The following PRDM6 variants were observed in gnomAD, a reference collection of about 807,000 sequenced individuals.
PRDM6 encodes putative histone-lysine N-methyltransferase PRDM6.
A neutral mutation model predicts 60.8 loss-of-function variants in PRDM6; 25 were observed. The ratio of observed to expected loss-of-function variants is 0.41; its 90% CI spans 0.30 to 0.57. The LOEUF (loss-of-function observed/expected upper bound fraction) is 0.57. Among genes scored for constraint, PRDM6 ranks in the 20% least tolerant of loss-of-function variants. The pLI, the probability that PRDM6 is intolerant of heterozygous loss-of-function variation, is 0.27. For missense variants in PRDM6, 839 were observed against 821.3 expected (o/e 1.02, Z -0.26); for synonymous variants, 407 against 357.4 (o/e 1.14, Z -1.57).
chr5:123,090,472 G>T lies in PRDM6; in HGVS notation c.458G>T (p.Gly153Val), dbSNP rs1763805005. ...SGPGPVKCGGGGGGGGEGRGA... is the reference protein window; with the variant it reads ...SGPGPVKCGGVGGGGGEGRGA... ...CCCGGGCCCGTCAAGTGCGGTGGTG[G>T]TGGCGGCGGCGGCGGGGAGGGTCGC... Residue 153 changes from glycine (G) to valine (V), a missense_variant, in exon 2 of 8, where the codon GGT (glycine) becomes GTT (valine). Physicochemically the swap from Gly to Val is moderately radical, Grantham distance 109. Around this residue, in one of 2 missense-constraint regions of PRDM6, gnomAD observed 730 missense variants for 648.8 expected, o/e 1.13. Coordinates refer to ENST00000407847, the MANE Select transcript of PRDM6 (RefSeq NM_001136239.4). 6.7e-7 allele frequency: 1 copy of T among 1,484,456 alleles called. No homozygotes were observed. Among genetic ancestry groups the T allele is most frequent in the Admixed American group, 2.3e-5 (1 of 44,254 alleles). The allele number at this position is 1,484,456 out of a possible 1,614,324, so 92.0% of individuals were successfully genotyped here. A position where few individuals can be genotyped will look rare whatever the true frequency, so the allele number is the denominator to read the frequency against.
intron 3 of PRDM6, among the ~76,000 whole-genome samples, chr5:123,136,018 C>T (rs948940163): frequency 2.6e-5 from 4 of 152,134 alleles, no homozygotes; most frequent in Non-Finnish European, 5.9e-5. Flanking sequence ...TATTTGCAGA[C>T]GGTCTAAGAT....
intron 2 of PRDM6, among the ~76,000 whole-genome samples, chr5:123,092,534 G>T (rs1238615845): frequency 1.3e-5 from 2 of 152,098 alleles, no homozygotes; most frequent in Non-Finnish European, 2.9e-5. Flanking sequence ...TAATATATGG[G>T]TATTGAACCA....
intron 2 of PRDM6, among the ~76,000 whole-genome samples, chr5:123,095,405 C>G (rs771142786): frequency 6.6e-6 from 1 of 152,246 alleles, no homozygotes; most frequent in Non-Finnish European, 1.5e-5. Context: ...GTGGGGGGAC[C>G]GCAGGCTGGA....
intron 3 of PRDM6, among the ~76,000 whole-genome samples, chr5:123,102,813 G>A (rs927035916): frequency 2.6e-5 from 4 of 151,958 alleles, no homozygotes; most frequent in Admixed American, 1.3e-4. Context: ...TAAATGGATT[G>A]CTAATCTTTT....
intron 3 of PRDM6, among the ~76,000 whole-genome samples, chr5:123,132,961 A>G (rs1438842886): frequency 2.0e-5 from 3 of 152,098 alleles, no homozygotes; most frequent in Admixed American, 1.3e-4. Flanking sequence ...CTATTCTCTG[A>G]CAAAAAGTAT....
intron 3 of PRDM6, among the ~76,000 whole-genome samples, chr5:123,131,501 T>G (rs1195482317): frequency 6.6e-6 from 1 of 152,234 alleles, no homozygotes; most frequent in Non-Finnish European, 1.5e-5. Context: ...ATTATTAATG[T>G]TGACAGCATT....
chr5:123,159,122 CT>C (rs1765571410), intron 4 of PRDM6, among the ~76,000 whole-genome samples: 1 of 152,138 alleles, frequency 6.6e-6, no homozygotes, highest in South Asian at 2.1e-4. Flanking sequence ...ACATTTAATG[CT>C]TTTCCTTCAA....
chr5:123,131,621 T>C (rs426500), intron 3 of PRDM6, among the ~76,000 whole-genome samples: 109,630 of 152,050 alleles, frequency 0.72, 39,880 homozygotes, highest in African/African-American at 0.78. Context: ...TGTCAGAAAC[T>C]GAAGCCTCGA....
At chr5:123,134,133 G>C (rs1215110083) in intron 3 of PRDM6, among the ~76,000 whole-genome samples, 1 of 152,054 alleles carries the variant, frequency 6.6e-6, no homozygotes, top group African/African-American at 2.4e-5. Context: ...TAGCCAAGTT[G>C]TACTTCTTTT....
Position 123,099,775 on chromosome 5 carries a change from G to A in PRDM6, c.714G>A (p.Pro238=), listed in dbSNP as rs1391653508. ...AAAAAPPPEL[P]EWLRDLPREV... ...CCGCCGCGCCCCCGCCGGAGCTGCC[G>A]GAGTGGCTGCGGGACCTGCCTCGCG... Residue 238 remains proline (P), a synonymous_variant, in exon 3 of 8, where the codon CCG becomes CCA. Transcript: ENST00000407847. The surrounding 1 kb of genome is among the most constrained non-coding windows in gnomAD (Gnocchi z 4.0). 3 of 1,547,908 alleles carry A rather than the reference G, an allele frequency of 1.9e-6. No individual in the cohort carries two copies. Among genetic ancestry groups the A allele is most frequent in the Admixed American group, 2.0e-5 (1 of 50,870 alleles).
At chr5:123,161,663 G>A (rs1034457763) in intron 5 of PRDM6, among the ~76,000 whole-genome samples, 2 of 152,180 alleles carry the variant, frequency 1.3e-5, no homozygotes, top group South Asian at 2.1e-4. Flanking sequence ...GCATGGGTGC[G>A]GCTGAGTGAG....
Position 123,130,847 on chromosome 5 carries a change from G to A in PRDM6, c.901-25037G>A, listed in dbSNP as rs547196716. ...CTCCCAAAGTGCTGGGATTACAGGC[G>A]TGAGCCACCACGTCCAGCCTAGGAA... On this transcript the variant is annotated intron_variant, in intron 3 of 7. Coordinates refer to ENST00000407847, the MANE Select transcript of PRDM6 (RefSeq NM_001136239.4). Among the ~76,000 whole-genome samples the A allele has an allele frequency of 2.0e-4, 31 of 152,278 alleles. 1 individual carries two copies. In the South Asian group the frequency reaches 3.1e-3, roughly 15 times the overall value.
chr5:123,187,214 T>C lies in PRDM6; in HGVS notation c.*13T>C, dbSNP rs1766308106. ...CGAAGTGGATTAACGGATTGACTGG[T>C]TGGAATTAAACTGCAAGGAAAGTCA... On this transcript the variant is annotated 3_prime_UTR_variant, in exon 8 of 8. Coordinates refer to ENST00000407847, the MANE Select transcript of PRDM6 (RefSeq NM_001136239.4). The C allele has an allele frequency of 2.0e-6, 3 of 1,531,030 alleles. No homozygotes were observed. Among genetic ancestry groups the C allele is most frequent in the African/African-American group, 1.4e-5 (1 of 72,570 alleles). 94.8% of individuals were successfully genotyped at this position (1,531,030 alleles called of 1,614,324 possible).
chr5:123,133,602 C>G (rs1397677796), intron 3 of PRDM6, among the ~76,000 whole-genome samples: 2 of 151,892 alleles, frequency 1.3e-5, no homozygotes, highest in African/African-American at 4.8e-5. Flanking sequence ...AAAATACAAC[C>G]AATAGTGTGT....
chr5:123,094,729 G>C (rs1400938776), intron 2 of PRDM6, among the ~76,000 whole-genome samples: 4 of 152,066 alleles, frequency 2.6e-5, no homozygotes, highest in Admixed American at 2.6e-4. Flanking sequence ...GACCCGCTTC[G>C]ATCTCCTCTC....
At chr5:123,089,756 C>T (rs1763761212) in intron 1 of PRDM6, among the ~76,000 whole-genome samples, 1 of 152,208 alleles carries the variant, frequency 6.6e-6, no homozygotes, top group Non-Finnish European at 1.5e-5. Flanking sequence ...CCCAGCATTG[C>T]TGGATGGGAG....
intron 3 of PRDM6, among the ~76,000 whole-genome samples, chr5:123,147,279 AAGAGAGAGAGAGAG>A (rs3036135): frequency 1.4e-5 from 2 of 147,484 alleles, no homozygotes; most frequent in South Asian, 2.1e-4. Context: ...TGATACTAAA[AAGAGAGAGAGAGAG>A]AGAGAGAGAG....
chr5:123,108,895 A>G (rs1422188124), intron 3 of PRDM6, among the ~76,000 whole-genome samples: 1 of 152,154 alleles, frequency 6.6e-6, no homozygotes, highest in Non-Finnish European at 1.5e-5. Flanking sequence ...TGGAAATTGC[A>G]ACCAATGGCA....
At chr5:123,149,447 A>G (rs75971419) in intron 3 of PRDM6, among the ~76,000 whole-genome samples, 4,015 of 152,270 alleles carry the variant, frequency 0.026, 162 homozygotes, top group African/African-American at 0.091. Flanking sequence ...AGATCAAGCA[A>G]TCCTATATGG....
Sources: gnomAD v4.1 joint callset for allele counts (sites outside exome capture counted in the v4.1 genomes callset) on GRCh38, gnomAD v4.1.1 for gene constraint, gnomAD v4.1.1 regional missense constraint, Gnocchi (gnomAD v3.1) non-coding constraint, MANE v1.5 for transcripts, NCBI Gene and HGNC (gene_info 2026-07-23, HGNC 2026-07-21) for gene names.